Variants in CDH18 observed in about 807,000 individuals in gnomAD.
The protein encoded by CDH18 is cadherin 18.
In CDH18, 31 loss-of-function variants were observed where a neutral mutation model predicts 67.9. That is an observed-to-expected ratio of 0.46 (90% CI 0.34 to 0.62). CDH18 has a LOEUF of 0.62. Ranked by LOEUF, CDH18 falls within the 20% of genes least tolerant of loss-of-function variation. CDH18 has a pLI of 0.01. For synonymous variants in CDH18, 362 were observed against 347.2 expected (o/e 1.04, Z -0.48); for missense variants, 890 against 975.5 (o/e 0.91, Z 1.17).
intron 2 of CDH18, among the ~76,000 whole-genome samples, chr5:20,034,118 G>T (rs866043641): frequency 6.6e-6 from 1 of 152,000 alleles, no homozygotes; most frequent in Non-Finnish European, 1.5e-5. Flanking sequence ...TATGGTGTGT[G>T]TGGGGGGAAA....
chr5:19,537,267 T>C (rs1474398168), intron 9 of CDH18, among the ~76,000 whole-genome samples: 1 of 152,150 alleles, frequency 6.6e-6, no homozygotes, highest in Non-Finnish European at 1.5e-5. Context: ...GCAGTCTGCC[T>C]GCCTTCAGAC....
At chr5:20,137,179 T>G (rs1424785108) in intron 2 of CDH18, among the ~76,000 whole-genome samples, 3 of 152,168 alleles carry the variant, frequency 2.0e-5, no homozygotes, top group Non-Finnish European at 4.4e-5. Flanking sequence ...AAGAGTGTTT[T>G]CCAACTTGGT....
chr5:20,386,361 T>C (rs1271256003), intron 1 of CDH18, among the ~76,000 whole-genome samples: 1 of 152,210 alleles, frequency 6.6e-6, no homozygotes, highest in Non-Finnish European at 1.5e-5. Context: ...GCATGTCAGC[T>C]AGATTATAGG....
chr5:19,499,281 CCCA>C (rs1742841343), intron 11 of CDH18, among the ~76,000 whole-genome samples: 1 of 152,220 alleles, frequency 6.6e-6, no homozygotes, highest in African/African-American at 2.4e-5. Flanking sequence ...TCTATCTGAT[CCCA>C]CTTCTTTTCT....
chr5:19,693,001 A>G (rs1183004118), intron 5 of CDH18, among the ~76,000 whole-genome samples: 1 of 152,132 alleles, frequency 6.6e-6, no homozygotes, highest in Non-Finnish European at 1.5e-5. Flanking sequence ...CTAAGTGGCT[A>G]TCAATCGATT....
intron 1 of CDH18, among the ~76,000 whole-genome samples, chr5:20,570,047 T>C (rs1758721164): frequency 6.6e-6 from 1 of 152,118 alleles, no homozygotes; most frequent in Non-Finnish European, 1.5e-5. Flanking sequence ...GACTAGGTGG[T>C]GCACAGGAGA....
At chr5:19,571,923 T>G (rs1741490513) in intron 7 of CDH18, 91 bp from the exon 8 acceptor site, 5 of 1,028,848 alleles carry the variant, frequency 4.9e-6, no homozygotes, top group Non-Finnish European at 7.1e-6. Flanking sequence ...TTTTTTCCTT[T>G]TTAGAATAAA....
chr5:19,944,648 A>G (rs1454840061), intron 2 of CDH18, among the ~76,000 whole-genome samples: 1 of 152,194 alleles, frequency 6.6e-6, no homozygotes, highest in Non-Finnish European at 1.5e-5. Flanking sequence ...TAATATCAGC[A>G]TATTAAGCTG....
At chr5:20,361,096 T>C (rs1385965178) in intron 1 of CDH18, among the ~76,000 whole-genome samples, 1 of 152,130 alleles carries the variant, frequency 6.6e-6, no homozygotes, top group East Asian at 1.9e-4. Flanking sequence ...AGAAATTACC[T>C]CAAATTTTAG....
At position 19,471,544 on chromosome 5, in the gene CDH18, C is replaced by A. The variant is rs1038834493; in HGVS notation, c.*1682G>T. On this transcript the variant is annotated 3_prime_UTR_variant, in exon 13 of 13. Transcript: ENST00000382275. ...GGAAAAACTCCGGTGTCAACTAATT[C>A]CTATTTCATGTATTTAAGAATTTCA... Among the ~76,000 whole-genome samples the A allele has an allele frequency of 6.6e-6, 1 of 151,910 alleles. No individual in the cohort carries two copies. The highest frequency in any genetic ancestry group is 2.4e-5 in the African/African-American group (1 of 41,364).
At chr5:20,103,918 C>T (rs1313717174) in intron 2 of CDH18, among the ~76,000 whole-genome samples, 3 of 151,248 alleles carry the variant, frequency 2.0e-5, no homozygotes, top group Non-Finnish European at 2.9e-5. Flanking sequence ...ACACAAATAC[C>T]ATTGTGTTAG....
chr5:19,495,524 T>C (rs1191783066), intron 11 of CDH18, among the ~76,000 whole-genome samples: 2 of 151,824 alleles, frequency 1.3e-5, no homozygotes, highest in Admixed American at 6.6e-5. Context: ...GCAGATCACC[T>C]GAGGTCGGGA....
chr5:20,532,248 C>G (rs1041987973), intron 1 of CDH18, among the ~76,000 whole-genome samples: 3 of 152,064 alleles, frequency 2.0e-5, no homozygotes, highest in African/African-American at 7.2e-5. Flanking sequence ...CACCTTGCTT[C>G]AGATATCAGA....
intron 2 of CDH18, among the ~76,000 whole-genome samples, chr5:20,232,307 T>C (rs1405164503): frequency 6.6e-6 from 1 of 152,160 alleles, no homozygotes; most frequent in Non-Finnish European, 1.5e-5. Context: ...CCTTATGAAC[T>C]TAAATCCTCA....
At chr5:19,531,609 TCA>T (rs10552517) in intron 9 of CDH18, among the ~76,000 whole-genome samples, 35,059 of 148,542 alleles carry the variant, frequency 0.24, 4,064 homozygotes, top group South Asian at 0.33. Context: ...ATGTGTGTTC[TCA>T]CACACACACA....
At chr5:19,669,769 G>T (rs975768267) in intron 5 of CDH18, among the ~76,000 whole-genome samples, 2 of 152,120 alleles carry the variant, frequency 1.3e-5, no homozygotes, top group Admixed American at 6.6e-5. Flanking sequence ...CTTTACTCAT[G>T]TATTCATTAC....
chr5:20,464,638 T>A (rs1561029812), intron 1 of CDH18, among the ~76,000 whole-genome samples: 1 of 152,114 alleles, frequency 6.6e-6, no homozygotes, highest in Non-Finnish European at 1.5e-5. Context: ...ATTTAAGAAA[T>A]TCTTGCATTT....
chr5:20,324,540 CAAACA>C (rs78842210), intron 1 of CDH18, among the ~76,000 whole-genome samples: 33 of 150,872 alleles, frequency 2.2e-4, no homozygotes, highest in African/African-American at 5.3e-4. Context: ...GACTCCGTCT[CAAACA>C]AAACAAAACA....
At chr5:20,204,723 T>C (rs1006629704) in intron 2 of CDH18, among the ~76,000 whole-genome samples, 1 of 151,932 alleles carries the variant, frequency 6.6e-6, no homozygotes. Context: ...TATGCAAATA[T>C]GTAAATTGCG....
Sources: allele counts gnomAD v4.1 joint callset (sites outside exome capture counted in the v4.1 genomes callset), GRCh38; gene constraint gnomAD v4.1.1; transcripts MANE v1.5; gene names NCBI Gene and HGNC (gene_info 2026-07-23, HGNC 2026-07-21).